Variants in CCDC7 observed in about 807,000 individuals in gnomAD.
The protein encoded by CCDC7 is coiled-coil domain containing 7, also known as coiled-coil domain-containing protein 7.
In CCDC7, 183 loss-of-function variants were observed where a neutral mutation model predicts 196.9. The observed-to-expected ratio is 0.93, with a 90% CI of 0.82 to 1.05. The LOEUF is 1.05. Among genes scored for constraint, CCDC7 ranks in the 50% least tolerant of loss-of-function variants. The probability of loss-of-function intolerance (pLI) is 0.00; values close to 1 mark genes in which losing one functional copy is unlikely to be tolerated. For missense variants in CCDC7, 1,540 were observed against 1,482.2 expected (o/e 1.04, Z -0.64); for synonymous variants, 525 against 484.6 (o/e 1.08, Z -1.10).
chr10:32,737,066 A>G (rs1417810028), intron 28 of CCDC7, among the ~76,000 whole-genome samples: 2 of 152,308 alleles, frequency 1.3e-5, no homozygotes, highest in Non-Finnish European at 2.9e-5. Flanking sequence ...TTTAAAAATC[A>G]TAAATGGGCT....
At chr10:32,750,941 G>C (rs995819680) in intron 28 of CCDC7, among the ~76,000 whole-genome samples, 1 of 152,254 alleles carries the variant, frequency 6.6e-6, no homozygotes, top group South Asian at 2.1e-4. Context: ...CAGCATCAAT[G>C]TTCTTTATAT....
chr10:32,708,128 A>T (rs1253735784), intron 24 of CCDC7, among the ~76,000 whole-genome samples: 1 of 152,204 alleles, frequency 6.6e-6, no homozygotes. Context: ...ACAGAGATAT[A>T]GACCAATGGA....
intron 33 of CCDC7, among the ~76,000 whole-genome samples, chr10:32,839,443 TCCAG>T (rs2092830885): frequency 1.3e-5 from 2 of 151,864 alleles, no homozygotes; most frequent in African/African-American, 2.4e-5. Flanking sequence ...AAAGGGCTAG[TCCAG>T]CAGGAAAATA....
intron 20 of CCDC7, among the ~76,000 whole-genome samples, chr10:32,654,338 G>A (rs1319142762): frequency 6.6e-6 from 1 of 152,066 alleles, no homozygotes; most frequent in Non-Finnish European, 1.5e-5. Flanking sequence ...TTTATTAACT[G>A]ATCTATTTTT....
intron 13 of CCDC7, among the ~76,000 whole-genome samples, chr10:32,562,973 A>G (rs979836394): frequency 1.3e-5 from 2 of 152,178 alleles, no homozygotes; most frequent in African/African-American, 4.8e-5. Context: ...TACAAAATCA[A>G]TGTGCAAAAA....
intron 18 of CCDC7, among the ~76,000 whole-genome samples, chr10:32,593,367 TA>T (rs2059976969): frequency 6.6e-6 from 1 of 152,250 alleles, no homozygotes; most frequent in African/African-American, 2.4e-5. Flanking sequence ...TGTCTGTTCA[TA>T]TCCTTTGCTC....
At chr10:32,500,444 G>A (rs865957642) in intron 9 of CCDC7, among the ~76,000 whole-genome samples, 3 of 150,274 alleles carry the variant, frequency 2.0e-5, no homozygotes, top group South Asian at 2.1e-4. Flanking sequence ...TTCACATCTC[G>A]GAGGGGGCGG....
intron 39 of CCDC7, among the ~76,000 whole-genome samples, chr10:32,849,952 G>T (rs2093482811): frequency 6.6e-6 from 1 of 152,000 alleles, no homozygotes; most frequent in African/African-American, 2.4e-5. Context: ...TGAAGGCGGG[G>T]GGCACTGGCC....
Position 32,828,559 on chromosome 10 carries a change from A to AAGAAAG in CCDC7, c.3268+3956_3268+3957insGAAAGA, listed in dbSNP as rs1565636072. Among the ~76,000 whole-genome samples, 56 of 132,996 alleles carry AAGAAAG rather than the reference A, an allele frequency of 4.2e-4. 1 individual carries two copies. The highest frequency in any genetic ancestry group is 5.8e-4 in the Non-Finnish European group (35 of 60,764). The allele number at this position is 132,996 out of a possible 152,430, so 87.3% of individuals were successfully genotyped here. On this transcript the variant is annotated intron_variant, in intron 32 of 41. Transcript: ENST00000639629. ...GAAGAAGAAGAAGAAGAAGAAGAAG[A>AAGAAAG]AAGAAGAAGAAGAAGAGCAGCAGTG...
In CCDC7 at chr10:32,643,601, A is replaced by G. The variant is rs570387000; in HGVS notation, c.2014+8443A>G. On this transcript the variant is annotated intron_variant, in intron 20 of 41. Transcript: ENST00000639629. Reference sequence around the variant, plus strand: ...TTACTTCTCTTTAATTTATTTCTTTATGTTGGAATCTTTTTTTATTCATTC... The same window carrying G: ...TTACTTCTCTTTAATTTATTTCTTTGTGTTGGAATCTTTTTTTATTCATTC... Among the ~76,000 whole-genome samples the G allele has an allele frequency of 5.9e-5, 9 of 151,652 alleles. No homozygotes were observed. The East Asian group carries it at 1.5e-3, about 26-fold the overall frequency.
intron 41 of CCDC7, among the ~76,000 whole-genome samples, chr10:32,860,081 G>A (rs1025538623): frequency 6.6e-6 from 1 of 152,078 alleles, no homozygotes; most frequent in African/African-American, 2.4e-5. Flanking sequence ...GCATCATCCT[G>A]ATACCAAAAC....
At chr10:32,710,052 G>A (rs1234245357) in intron 24 of CCDC7, among the ~76,000 whole-genome samples, 1 of 152,082 alleles carries the variant, frequency 6.6e-6, no homozygotes, top group African/African-American at 2.4e-5. Flanking sequence ...AAAAAGAAGG[G>A]CTTGGGTGTT....
At chr10:32,565,612 G>A in exon 14 of CCDC7, 1 of 1,608,884 alleles carries the variant, frequency 6.2e-7, no homozygotes, top group South Asian at 1.1e-5. Flanking sequence ...ATTGAAACAG[G>A]CTTTACAGGT....
At chr10:32,735,225 G>A (rs931684579) in intron 28 of CCDC7, among the ~76,000 whole-genome samples, 2 of 152,188 alleles carry the variant, frequency 1.3e-5, no homozygotes, top group Non-Finnish European at 2.9e-5. Flanking sequence ...ATACCAAGGA[G>A]CACGATTGCT....
At chr10:32,544,478 G>A (rs558824322) in intron 13 of CCDC7, 177 bp downstream of exon 14, 187 of 451,062 alleles carry the variant, frequency 4.1e-4, no homozygotes, top group Non-Finnish European at 5.8e-4. Context: ...TCTTGTTGAT[G>A]GACTCTTCTC....
chr10:32,639,696 C>A (rs1211513825), intron 20 of CCDC7, among the ~76,000 whole-genome samples: 2 of 149,968 alleles, frequency 1.3e-5, no homozygotes, highest in Non-Finnish European at 3.0e-5. Flanking sequence ...GGCACGATCT[C>A]GGCTCACTTC....
At chr10:32,858,862 A>G (rs1314967125) in intron 41 of CCDC7, among the ~76,000 whole-genome samples, 1 of 152,196 alleles carries the variant, frequency 6.6e-6, no homozygotes, top group Non-Finnish European at 1.5e-5. Context: ...CAACAAAAAG[A>G]GCTAACTATC....
At chr10:32,603,010 A>G (rs2061219237) in intron 18 of CCDC7, among the ~76,000 whole-genome samples, 1 of 152,172 alleles carries the variant, frequency 6.6e-6, no homozygotes. Flanking sequence ...ATATTTTGTT[A>G]ATATAGTCAT....
intron 20 of CCDC7, among the ~76,000 whole-genome samples, chr10:32,662,352 G>T (rs953515190): frequency 6.6e-6 from 1 of 152,132 alleles, no homozygotes; most frequent in African/African-American, 2.4e-5. Flanking sequence ...TCCTACTAAG[G>T]TGCTTTTTCC....
Sources: gnomAD v4.1 joint callset for allele counts (sites outside exome capture counted in the v4.1 genomes callset) on GRCh38, gnomAD v4.1.1 for gene constraint, MANE v1.5 for transcripts, NCBI Gene and HGNC (gene_info 2026-07-23, HGNC 2026-07-21) for gene names.